The following DPP10 variants were observed in gnomAD, a reference collection of about 807,000 sequenced individuals.
The protein encoded by DPP10 is dipeptidyl peptidase like 10.
Under a neutral mutation model 120.9 loss-of-function variants are expected in DPP10, and 33 were observed. That is an observed-to-expected ratio of 0.27 (90% CI 0.21 to 0.37). The LOEUF is 0.37. DPP10 is among the 10% of genes least tolerant of loss of function. The pLI is 1.00. For missense variants in DPP10, 816 were observed against 942.8 expected, an observed-to-expected ratio of 0.87 and a Z score of 1.76; for synonymous variants, 337 against 326.1, an observed-to-expected ratio of 1.03 and a Z score of -0.36.
chr2:114,692,700 T>C (rs1699839136), intron 1 of DPP10, among the ~76,000 whole-genome samples: 1 of 152,016 alleles, frequency 6.6e-6, no homozygotes, highest in African/African-American at 2.4e-5. Flanking sequence ...TCCACTATTA[T>C]TGTGTGGGAG....
intron 7 of DPP10, among the ~76,000 whole-genome samples, chr2:115,707,784 A>T (rs2092176963): frequency 6.6e-6 from 1 of 151,884 alleles, no homozygotes; most frequent in Non-Finnish European, 1.5e-5. Flanking sequence ...TGATAAAAGA[A>T]AGGTCCATAT....
rs141165184 is a variant in DPP10 at position 114,839,599 on chromosome 2, A to G, written c.60+396761A>G. On this transcript the variant is annotated intron_variant, in intron 1 of 25. Transcript: ENST00000410059. Reference sequence around the variant, plus strand: ...TTGTGTCTTCCAAGGAAATTCTTTCACTTATCAAGTGTTATACATATTCTT... The same window carrying G: ...TTGTGTCTTCCAAGGAAATTCTTTCGCTTATCAAGTGTTATACATATTCTT... 1.6e-3 allele frequency among the ~76,000 whole-genome samples: 247 copies of G among 152,316 alleles called. 2 individuals are homozygous for G. Among genetic ancestry groups the G allele is most frequent in the African/African-American group, 5.7e-3 (237 of 41,572 alleles).
intron 5 of DPP10, among the ~76,000 whole-genome samples, chr2:115,533,686 G>A (rs1032931940): frequency 2.0e-5 from 3 of 151,890 alleles, no homozygotes; most frequent in Admixed American, 1.3e-4. Flanking sequence ...ATACATTCGG[G>A]GTTCACTAAT....
chr2:114,873,575 G>A (rs1192756596), intron 1 of DPP10, among the ~76,000 whole-genome samples: 2 of 152,128 alleles, frequency 1.3e-5, no homozygotes, highest in African/African-American at 4.8e-5. Flanking sequence ...CAGCTGTCAT[G>A]GCTGCGTGGC....
chr2:115,296,855 G>T (rs2060907875), intron 1 of DPP10, among the ~76,000 whole-genome samples: 1 of 151,530 alleles, frequency 6.6e-6, no homozygotes, highest in Admixed American at 6.6e-5. Flanking sequence ...CCCTCCATTA[G>T]TAATAGGCTG....
chr2:115,202,146 C>G (rs1207864802), intron 1 of DPP10, among the ~76,000 whole-genome samples: 1 of 152,094 alleles, frequency 6.6e-6, no homozygotes. Context: ...CCATGGTGGT[C>G]TTGAAATCCT....
chr2:115,754,908 T>G (rs1053991863), intron 11 of DPP10, among the ~76,000 whole-genome samples: 5 of 152,048 alleles, frequency 3.3e-5, no homozygotes, highest in Non-Finnish European at 7.4e-5. Flanking sequence ...TCACATGTAC[T>G]CCAAAATATG....
intron 1 of DPP10, among the ~76,000 whole-genome samples, chr2:114,684,221 C>A (rs77043302): frequency 6.6e-6 from 1 of 151,856 alleles, no homozygotes; most frequent in Non-Finnish European, 1.5e-5. Flanking sequence ...TACAAGTAGA[C>A]CTTCCTGTGA....
chr2:115,561,749 T>G (rs894736114), intron 5 of DPP10, among the ~76,000 whole-genome samples: 1 of 152,208 alleles, frequency 6.6e-6, no homozygotes, highest in African/African-American at 2.4e-5. Context: ...TTCTTAATCT[T>G]TTTAAGTTTT....
intron 3 of DPP10, among the ~76,000 whole-genome samples, chr2:115,384,636 AAAG>A (rs747561968): frequency 2.7e-4 from 40 of 150,316 alleles, no homozygotes; most frequent in Non-Finnish European, 4.3e-4. Flanking sequence ...GAGGAAGAAG[AAAG>A]AAGGAAGAAG....
chr2:114,476,340 C>G (rs1191213696), intron 1 of DPP10, among the ~76,000 whole-genome samples: 1 of 152,076 alleles, frequency 6.6e-6, no homozygotes, highest in East Asian at 1.9e-4. Flanking sequence ...TGTGATATCC[C>G]TATCTTCAAG....
At chr2:115,418,951 C>T (rs1027935526) in intron 3 of DPP10, among the ~76,000 whole-genome samples, 1 of 152,128 alleles carries the variant, frequency 6.6e-6, no homozygotes, top group African/African-American at 2.4e-5. Flanking sequence ...TTCAGTGAAC[C>T]TCAGTCTTTT....
chr2:114,928,478 G>A (rs1695809091), intron 1 of DPP10, among the ~76,000 whole-genome samples: 1 of 152,098 alleles, frequency 6.6e-6, no homozygotes, highest in South Asian at 2.1e-4. Flanking sequence ...TGACACACTG[G>A]AAGAAGAGGT....
chr2:115,169,607 A>G (rs1233672796), intron 1 of DPP10, among the ~76,000 whole-genome samples: 1 of 152,142 alleles, frequency 6.6e-6, no homozygotes, highest in African/African-American at 2.4e-5. Flanking sequence ...TGATATGTTC[A>G]TGGTTTAATA....
intron 1 of DPP10, among the ~76,000 whole-genome samples, chr2:114,517,820 G>A (rs953204503): frequency 5.3e-5 from 8 of 152,122 alleles, no homozygotes; most frequent in African/African-American, 9.7e-5. Context: ...GCTGCAGAGC[G>A]GAGGCTCAGA....
At chr2:115,303,686 T>C (rs1188265258) in intron 1 of DPP10, among the ~76,000 whole-genome samples, 3 of 151,998 alleles carry the variant, frequency 2.0e-5, no homozygotes, top group Non-Finnish European at 2.9e-5. Context: ...TATTGTATTA[T>C]TGCCTAGAAA....
At chr2:114,581,030 T>G (rs1262886223) in intron 1 of DPP10, among the ~76,000 whole-genome samples, 1 of 152,126 alleles carries the variant, frequency 6.6e-6, no homozygotes, top group Non-Finnish European at 1.5e-5. Context: ...TTTGTGCTGT[T>G]TAGAATGCAT....
chr2:115,061,855 T>C (rs528350040), intron 1 of DPP10, among the ~76,000 whole-genome samples: 1 of 152,274 alleles, frequency 6.6e-6, no homozygotes, highest in East Asian at 1.9e-4. Flanking sequence ...GAGTAGATAA[T>C]ATGTCTTTTA....
chr2:114,499,991 C>T (rs1683018516), intron 1 of DPP10, among the ~76,000 whole-genome samples: 1 of 152,198 alleles, frequency 6.6e-6, no homozygotes, highest in Admixed American at 6.5e-5. Flanking sequence ...CTGTTGTCAC[C>T]TCCTCTGGGG....
Sources: gnomAD v4.1 joint callset for allele counts (sites outside exome capture counted in the v4.1 genomes callset) on GRCh38, gnomAD v4.1.1 for gene constraint, MANE v1.5 for transcripts, NCBI Gene and HGNC (gene_info 2026-07-23, HGNC 2026-07-21) for gene names.